TMEM45A: variants seen among roughly 807,000 people sequenced by gnomAD.
TMEM45A encodes the protein DNA polymerase-transactivated protein 4.
TMEM45A carries 25 observed loss-of-function variants against 32.0 expected under a neutral mutation model. That is an observed-to-expected ratio of 0.78 (90% CI 0.57 to 1.09). The LOEUF (loss-of-function observed/expected upper bound fraction) is 1.09. Ranked by LOEUF, TMEM45A falls within the 50% of genes least tolerant of loss-of-function variation. The pLI, the probability that TMEM45A is intolerant of heterozygous loss-of-function variation, is 0.00. For missense variants in TMEM45A, 302 were observed against 325.0 expected (o/e 0.93, Z 0.54); for synonymous variants, 122 against 114.8 (o/e 1.06, Z -0.40).
At chr3:100,556,207 C>T in intron 2 of TMEM45A, among the ~76,000 whole-genome samples, 1 of 152,196 alleles carries the variant, frequency 6.6e-6, no homozygotes, top group East Asian at 1.9e-4. Flanking sequence ...TTGCGAACTC[C>T]TGACCTCCAG....
chr3:100,513,640 A>G (rs1480176718), intron 1 of TMEM45A, among the ~76,000 whole-genome samples: 6 of 150,846 alleles, frequency 4.0e-5, no homozygotes, highest in Non-Finnish European at 8.9e-5. Flanking sequence ...ATTAGGCAGG[A>G]GAAGGAAATA....
chr3:100,514,065 A>C (rs1708216583), intron 1 of TMEM45A, among the ~76,000 whole-genome samples: 1 of 152,236 alleles, frequency 6.6e-6, no homozygotes, highest in Non-Finnish European at 1.5e-5. Context: ...GGTAATTTAT[A>C]GATTCAATGC....
intron 4 of TMEM45A, among the ~76,000 whole-genome samples, chr3:100,565,931 C>T (rs180882519): frequency 2.9e-4 from 44 of 152,280 alleles, no homozygotes; most frequent in African/African-American, 8.9e-4. Flanking sequence ...GTCACTCTCC[C>T]GTCTCTCCTC....
intron 1 of TMEM45A, among the ~76,000 whole-genome samples, 192 bp downstream of exon 1, chr3:100,493,120 C>CT (rs570241165): frequency 0.05 from 5,795 of 115,292 alleles, 175 homozygotes; most frequent in African/African-American, 0.085. Context: ...GTTTGCTATT[C>CT]TTTTTTTTTT....
chr3:100,539,315 C>T (rs1705803846), intron 1 of TMEM45A, among the ~76,000 whole-genome samples: 1 of 152,010 alleles, frequency 6.6e-6, no homozygotes, highest in African/African-American at 2.4e-5. Flanking sequence ...GTCAGCTGAT[C>T]TTTGACAAAG....
chr3:100,503,449 G>T (rs993707096), intron 1 of TMEM45A, among the ~76,000 whole-genome samples: 1 of 152,142 alleles, frequency 6.6e-6, no homozygotes, highest in Non-Finnish European at 1.5e-5. Flanking sequence ...TGTTTCCAGT[G>T]GGGGAGCAGA....
chr3:100,545,687 G>A (rs1039820528), intron 1 of TMEM45A, among the ~76,000 whole-genome samples: 2 of 152,160 alleles, frequency 1.3e-5, no homozygotes, highest in Non-Finnish European at 2.9e-5. Flanking sequence ...CACACGTATA[G>A]CATTTTATTC....
At chr3:100,572,998 C>T (rs1706601602) in intron 5 of TMEM45A, 1 of 151,848 alleles carries the variant, frequency 6.6e-6, no homozygotes, top group African/African-American at 2.4e-5. Context: ...GTTTTGGTGA[C>T]TGTAGCCTTG....
chr3:100,493,296 A>G (rs1707875212), intron 1 of TMEM45A, among the ~76,000 whole-genome samples: 1 of 151,944 alleles, frequency 6.6e-6, no homozygotes, highest in Admixed American at 6.6e-5. Context: ...ATCGTTTTTT[A>G]TCCCCAACTC....
intron 1 of TMEM45A, among the ~76,000 whole-genome samples, chr3:100,513,798 G>A (rs1708210161): frequency 6.6e-6 from 1 of 152,142 alleles, no homozygotes; most frequent in Admixed American, 6.5e-5. Context: ...CAAAATCAAT[G>A]TGCAAAAATC....
chr3:100,557,347 A>G (rs1278046125), intron 3 of TMEM45A, among the ~76,000 whole-genome samples: 1 of 152,206 alleles, frequency 6.6e-6, no homozygotes, highest in Non-Finnish European at 1.5e-5. Context: ...GCAGCCACTC[A>G]CAGTGGAACA....
intron 1 of TMEM45A, among the ~76,000 whole-genome samples, chr3:100,521,515 C>T (rs556238676): frequency 3.5e-4 from 54 of 152,242 alleles, no homozygotes; most frequent in Non-Finnish European, 5.4e-4. Context: ...GGCCTTCCAA[C>T]GTGCTGGGAT....
chr3:100,574,092 A>T (rs931664701), intron 5 of TMEM45A: 1 of 152,222 alleles, frequency 6.6e-6, no homozygotes, highest in Non-Finnish European at 1.5e-5. Context: ...AGCCTTTGGT[A>T]TCAGGATGAT....
chr3:100,506,979 C>T (rs1708088356), intron 1 of TMEM45A, among the ~76,000 whole-genome samples: 1 of 152,142 alleles, frequency 6.6e-6, no homozygotes, highest in African/African-American at 2.4e-5. Flanking sequence ...TTGGTCAAGA[C>T]TAAAGAGTCA....
chr3:100,563,166 G>A (rs762455638), intron 4 of TMEM45A, among the ~76,000 whole-genome samples: 4 of 152,136 alleles, frequency 2.6e-5, no homozygotes, highest in Non-Finnish European at 5.9e-5. Context: ...GGCATTCCTT[G>A]GCTTGTGGCA....
intron 2 of TMEM45A, 110 bp from the exon 3 acceptor site, chr3:100,556,650 A>G (rs1706225929): frequency 1.9e-6 from 2 of 1,031,308 alleles, no homozygotes; most frequent in Non-Finnish European, 2.8e-6. Flanking sequence ...GAGAAGAATT[A>G]ATGTCAAAAG....
At chr3:100,496,743 A>G (rs1707935218) in intron 1 of TMEM45A, among the ~76,000 whole-genome samples, 1 of 152,230 alleles carries the variant, frequency 6.6e-6, no homozygotes, top group African/African-American at 2.4e-5. Context: ...CAAAACCCAC[A>G]TAGCACCTGG....
In TMEM45A at chr3:100,555,241, T is replaced by C; in HGVS notation, c.30T>C (p.Pro10=). Residue 10 remains proline, a synonymous_variant, in exon 2 of 6, where the codon CCT becomes CCC. Transcript: ENST00000323523. MGNFRGHAL[P]GTFFFIIGLW... is the part of the protein sequence containing the mutation. ...GGAATTTCAGAGGTCATGCCCTCCCTGGAACCTTCTTTTTTATTATTGGTC... is the reference window on the plus strand; with the variant it reads ...GGAATTTCAGAGGTCATGCCCTCCCCGGAACCTTCTTTTTTATTATTGGTC... 1 of 1,610,858 alleles carries C rather than the reference T, an allele frequency of 6.2e-7. No individual in the cohort carries two copies. The highest frequency in any genetic ancestry group is 8.5e-7 in the Non-Finnish European group (1 of 1,178,552).
chr3:100,540,219 T>C (rs1576279212), intron 1 of TMEM45A, among the ~76,000 whole-genome samples: 1 of 152,128 alleles, frequency 6.6e-6, no homozygotes. Context: ...GATTCATTGT[T>C]TGAATATTAA....
Sources: allele counts gnomAD v4.1 joint callset (sites outside exome capture counted in the v4.1 genomes callset), GRCh38; gene constraint gnomAD v4.1.1; transcripts MANE v1.5; gene names NCBI Gene and HGNC (gene_info 2026-07-23, HGNC 2026-07-21).